MBD5: variants seen among roughly 807,000 people sequenced by gnomAD.
The protein encoded by MBD5 is methyl-CpG binding domain protein 5.
A neutral mutation model predicts 117.3 loss-of-function variants in MBD5; 13 were observed. The observed-to-expected ratio is 0.11, with a 90% CI of 0.07 to 0.18. The LOEUF is 0.18. MBD5 is among the 10% of genes least tolerant of loss of function. The pLI is 1.00. For synonymous variants in MBD5, 727 were observed against 766.4 expected, an observed-to-expected ratio of 0.95 and a Z score of 0.85; for missense variants, 1,879 against 2,093.8, an observed-to-expected ratio of 0.90 and a Z score of 2.00.
rs1275294343 is a variant in MBD5, at chr2:148,166,411, T to C, written c.-924-12289T>C. 2.6e-5 allele frequency among the ~76,000 whole-genome samples: 4 copies of C among 152,324 alleles called. No individual in the cohort carries two copies. In the South Asian group the frequency reaches 6.2e-4, roughly 24 times the overall value. On this transcript the variant is annotated intron_variant, in intron 1 of 13. Transcript: ENST00000642680. ...AAAAGATAGCTGTTTCTAGACATGA[T>C]AAAAATCAGGCATTACTGCTGGCTT... is the stretch of plus-strand genomic sequence containing the variant.
chr2:148,367,574 T>C (rs1703737715), intron 4 of MBD5, among the ~76,000 whole-genome samples: 1 of 152,054 alleles, frequency 6.6e-6, no homozygotes, highest in African/African-American at 2.4e-5. Context: ...TTGCAATCTA[T>C]CTATCTGACA....
intron 4 of MBD5, among the ~76,000 whole-genome samples, chr2:148,421,309 G>C (rs968084274): frequency 6.6e-6 from 1 of 152,164 alleles, no homozygotes; most frequent in African/African-American, 2.4e-5. Context: ...GCCTCACCTG[G>C]GAAGCACAAG....
At chr2:148,473,444 G>A (rs919115636) in intron 8 of MBD5, among the ~76,000 whole-genome samples, 10 of 152,198 alleles carry the variant, frequency 6.6e-5, no homozygotes, top group African/African-American at 2.4e-4. Flanking sequence ...TGGTCCAACT[G>A]TACTCTGTGG....
chr2:148,045,696 A>G (rs1332940160), intron 1 of MBD5, among the ~76,000 whole-genome samples: 2 of 152,196 alleles, frequency 1.3e-5, no homozygotes, highest in Non-Finnish European at 2.9e-5. Flanking sequence ...CACTTTCTCA[A>G]GTGTACTGGA....
intron 11 of MBD5, among the ~76,000 whole-genome samples, chr2:148,490,953 T>C (rs1015168297): frequency 6.6e-6 from 1 of 152,068 alleles, no homozygotes; most frequent in Non-Finnish European, 1.5e-5. Flanking sequence ...GGGAAAAAAA[T>C]CTGGTAGCCT....
rs1700999745 is a variant in MBD5 at position 148,272,089 on chromosome 2, TCA to T, written c.-680+38695_-680+38696del. ...TTCACTTAACATAATTCCTCCAGGT[TCA>T]TCCATGTTTTCAGAAGTAACAGGAT... On this transcript the variant is annotated intron_variant, in intron 3 of 13. Coordinates refer to ENST00000642680, the MANE Select transcript of MBD5 (RefSeq NM_001378120.1). 8.5e-5 allele frequency among the ~76,000 whole-genome samples: 13 copies of T among 152,224 alleles called. 1 individual carries two copies. Among genetic ancestry groups the T allele is most frequent in the Admixed American group, 8.5e-4 (13 of 15,274 alleles).
At chr2:148,151,865 A>G (rs1033246771) in intron 1 of MBD5, among the ~76,000 whole-genome samples, 1 of 151,778 alleles carries the variant, frequency 6.6e-6, no homozygotes, top group Non-Finnish European at 1.5e-5. Context: ...GCGGTCTATC[A>G]ATTTTGTTGA....
At chr2:148,479,752 T>G (rs1681090333) in intron 8 of MBD5, among the ~76,000 whole-genome samples, 1 of 150,492 alleles carries the variant, frequency 6.6e-6, no homozygotes, top group African/African-American at 2.4e-5. Flanking sequence ...TGCTTCTGCA[T>G]AGAGGCCCTT....
chr2:148,410,767 A>T (rs1705223974), intron 4 of MBD5, among the ~76,000 whole-genome samples: 1 of 151,838 alleles, frequency 6.6e-6, no homozygotes, highest in South Asian at 2.1e-4. Flanking sequence ...TAATATTTTG[A>T]CTCTTGAATA....
chr2:148,126,361 G>A (rs1025136667), intron 1 of MBD5, among the ~76,000 whole-genome samples: 2 of 145,518 alleles, frequency 1.4e-5, no homozygotes, highest in African/African-American at 2.6e-5. Context: ...AGCCAAGATC[G>A]TGCCACTGTA....
chr2:148,369,829 T>C (rs1056620332), intron 4 of MBD5, among the ~76,000 whole-genome samples: 2 of 152,150 alleles, frequency 1.3e-5, no homozygotes, highest in Non-Finnish European at 2.9e-5. Flanking sequence ...TTAAATTCTT[T>C]ATGTTAAATG....
intron 4 of MBD5, among the ~76,000 whole-genome samples, chr2:148,369,955 C>T (rs1172488606): frequency 6.6e-6 from 1 of 152,112 alleles, no homozygotes; most frequent in Non-Finnish European, 1.5e-5. Context: ...AATCCCCACC[C>T]CACCTACCAT....
At chr2:148,436,297 A>C (rs1706155600) in intron 4 of MBD5, among the ~76,000 whole-genome samples, 1 of 152,192 alleles carries the variant, frequency 6.6e-6, no homozygotes. Context: ...AAAAGTGTAC[A>C]AGATTTATTT....
intron 1 of MBD5, chr2:148,025,499 C>A (rs1693866910): frequency 6.7e-6 from 1 of 149,748 alleles, no homozygotes; most frequent in Admixed American, 6.7e-5. Flanking sequence ...AACCGTAATT[C>A]TTTTAAGATG....
chr2:148,484,014 A>G lies in MBD5; in HGVS notation c.3423A>G (p.Ser1141=), dbSNP rs1681254967. 2 of 1,550,406 alleles carry G rather than the reference A, an allele frequency of 1.3e-6. No individual in the cohort carries two copies. The highest frequency in any genetic ancestry group is 2.7e-5 in the African/African-American group (2 of 73,054). Residue 1141 remains serine (S), a synonymous_variant, in exon 9 of 14, where the codon TCA becomes TCG. Coordinates refer to ENST00000642680, the MANE Select transcript of MBD5 (RefSeq NM_001378120.1). ...CACTTGGTGGGACAGCAGTGGTGTC[A>G]ATGGCAGAAACATTGCTGAATATAT... The part of the protein sequence containing the change: ...VSTLGGTAVV[S]MAETLLNISN...
At chr2:148,350,020 A>G (rs1310080859) in intron 4 of MBD5, among the ~76,000 whole-genome samples, 1 of 151,968 alleles carries the variant, frequency 6.6e-6, no homozygotes. Flanking sequence ...CGGAATCCTG[A>G]GAAGACCCTT....
At chr2:148,273,541 G>A (rs1204227482) in intron 3 of MBD5, among the ~76,000 whole-genome samples, 1 of 151,994 alleles carries the variant, frequency 6.6e-6, no homozygotes, top group Non-Finnish European at 1.5e-5. Flanking sequence ...AACTGACTCA[G>A]CACGTTGTGA....
intron 4 of MBD5, among the ~76,000 whole-genome samples, chr2:148,427,730 G>A (rs1456667141): frequency 6.6e-6 from 1 of 151,884 alleles, no homozygotes; most frequent in Non-Finnish European, 1.5e-5. Flanking sequence ...CATGGCACAT[G>A]TATACATATG....
At chr2:148,430,952 G>A (rs941447375) in intron 4 of MBD5, among the ~76,000 whole-genome samples, 1 of 152,040 alleles carries the variant, frequency 6.6e-6, no homozygotes, top group African/African-American at 2.4e-5. Flanking sequence ...TAAACATTTT[G>A]TTTTACCTAG....
Sources: gnomAD v4.1 joint callset for allele counts (sites outside exome capture counted in the v4.1 genomes callset) on GRCh38, gnomAD v4.1.1 for gene constraint, MANE v1.5 for transcripts, NCBI Gene and HGNC (gene_info 2026-07-23, HGNC 2026-07-21) for gene names.